Variants in SHANK2 observed in about 807,000 individuals in gnomAD.
SHANK2 encodes SH3 and multiple ankyrin repeat domains protein 2.
In SHANK2, 43 loss-of-function variants were observed where a neutral mutation model predicts 133.7. That is an observed-to-expected ratio of 0.32 (90% CI 0.25 to 0.41). The LOEUF (loss-of-function observed/expected upper bound fraction) is 0.41. SHANK2 is among the 10% of genes least tolerant of loss of function. The pLI is 1.00. For synonymous variants in SHANK2, 1,017 were observed against 952.8 expected, an observed-to-expected ratio of 1.07 and a Z score of -1.24; for missense variants, 1,994 against 2,235.8, an observed-to-expected ratio of 0.89 and a Z score of 2.18.
chr11:70,766,608 T>G (rs1017039263), intron 14 of SHANK2, among the ~76,000 whole-genome samples: 1 of 152,174 alleles, frequency 6.6e-6, no homozygotes, highest in Admixed American at 6.5e-5. Flanking sequence ...AGCAACCGCA[T>G]CAGGGGTTTA....
At chr11:71,092,111 G>A (rs1238979368) in intron 8 of SHANK2, among the ~76,000 whole-genome samples, 3 of 152,218 alleles carry the variant, frequency 2.0e-5, no homozygotes, top group East Asian at 3.9e-4. Flanking sequence ...GGGCTCCTGG[G>A]AAGGGGGCGT....
intron 2 of SHANK2, among the ~76,000 whole-genome samples, chr11:71,153,023 C>T (rs148043600): frequency 4.4e-4 from 67 of 152,330 alleles, no homozygotes; most frequent in African/African-American, 1.6e-3. Context: ...CTAAAAAACT[C>T]TCTGCTGTTC....
intron 17 of SHANK2, among the ~76,000 whole-genome samples, chr11:70,600,418 C>CAAAAAAAAAAA (rs56103044): frequency 3.9e-4 from 37 of 95,282 alleles, no homozygotes; most frequent in Non-Finnish European, 4.4e-4. Flanking sequence ...GACTCTGTCT[C>CAAAAAAAAAAA]AAAAAAAAAA....
chr11:71,171,985 A>G (rs1953323595), intron 2 of SHANK2, among the ~76,000 whole-genome samples: 1 of 152,160 alleles, frequency 6.6e-6, no homozygotes, highest in Non-Finnish European at 1.5e-5. Context: ...TGGGCCTGGG[A>G]GGCCTCCTTG....
chr11:70,699,497 C>T (rs1001413299), intron 14 of SHANK2, among the ~76,000 whole-genome samples: 1 of 152,184 alleles, frequency 6.6e-6, no homozygotes, highest in Non-Finnish European at 1.5e-5. Flanking sequence ...TGATCTCCTA[C>T]CTAAGCCCTG....
At chr11:70,711,291 T>G (rs1945776508) in intron 14 of SHANK2, among the ~76,000 whole-genome samples, 1 of 152,152 alleles carries the variant, frequency 6.6e-6, no homozygotes, top group South Asian at 2.1e-4. Flanking sequence ...GTGGCTGGGC[T>G]GTCCAGCTCC....
chr11:71,213,180 C>A (rs1954320821), intron 2 of SHANK2, among the ~76,000 whole-genome samples: 1 of 152,030 alleles, frequency 6.6e-6, no homozygotes, highest in African/African-American at 2.4e-5. Flanking sequence ...GGAGAATCTT[C>A]CCGGGACAGC....
intron 2 of SHANK2, among the ~76,000 whole-genome samples, chr11:71,190,990 A>T (rs2135580434): frequency 6.6e-6 from 1 of 152,006 alleles, no homozygotes; most frequent in South Asian, 2.1e-4. Context: ...TCTCAGAGGA[A>T]TTGGGGCTCA....
chr11:70,586,134 A>G (rs1419181459), intron 17 of SHANK2, among the ~76,000 whole-genome samples: 1 of 152,146 alleles, frequency 6.6e-6, no homozygotes, highest in African/African-American at 2.4e-5. Context: ...GTTGTGTAAC[A>G]TGGTGGAGGC....
Position 71,175,598 on chromosome 11 carries a change from G to GAGAC in SHANK2, c.-12-28261_-12-28260insGTCT, listed in dbSNP as rs1565496452. ...AGAGAGAGAGAGAGAGAGAGAGAGA[G>GAGAC]AGAGACAGAGACAGAGACATCGCTT... On this transcript the variant is annotated intron_variant, in intron 2 of 25. Transcript: ENST00000601538. This position sits in a 1 kb window ranked among gnomAD's most constrained non-coding sequence, Gnocchi z 4.2. 8.1e-4 allele frequency among the ~76,000 whole-genome samples: 87 copies of GAGAC among 107,184 alleles called. No individual in the cohort carries two copies. The highest frequency in any genetic ancestry group is 1.1e-3 in the African/African-American group (34 of 30,062). The allele number at this position is 107,184 out of a possible 152,430, so 70.3% of individuals were successfully genotyped here.
intron 11 of SHANK2, among the ~76,000 whole-genome samples, chr11:70,879,045 G>A (rs1949616586): frequency 6.6e-6 from 1 of 152,314 alleles, no homozygotes; most frequent in Non-Finnish European, 1.5e-5. Context: ...CCATCTTGGT[G>A]GACTCCTTGG....
At chr11:70,690,488 GTTTTTTTTTTTTTTTTTTTTT>G (rs35737323) in intron 15 of SHANK2, among the ~76,000 whole-genome samples, 64 of 32,824 alleles carry the variant, frequency 1.9e-3, no homozygotes, top group African/African-American at 7.2e-3. Context: ...TACTTCCCAT[GTTTTTTTTTTTTTTTTTTTTT>G]TTTTTTTTTT....
intron 3 of SHANK2, among the ~76,000 whole-genome samples, chr11:71,141,495 G>A (rs12365637): frequency 1.7e-3 from 265 of 152,196 alleles, no homozygotes; most frequent in Non-Finnish European, 3.4e-3. Context: ...GCAAGAGAGC[G>A]AGACTCTTTC....
chr11:70,625,810 GAAAAAAAAAAAAAAAAA>G, intron 17 of SHANK2, among the ~76,000 whole-genome samples: 1 of 41,394 alleles, frequency 2.4e-5, no homozygotes, highest in East Asian at 8.9e-4. Flanking sequence ...GTGCAAAAAT[GAAAAAAAAAAAAAAAAA>G]AAAAAAAAAA....
intron 21 of SHANK2, among the ~76,000 whole-genome samples, chr11:70,494,286 C>T (rs531194819): frequency 2.6e-5 from 4 of 152,312 alleles, no homozygotes; most frequent in East Asian, 1.9e-4. Context: ...CTGCCCCCAC[C>T]GGGCCAGAAC....
intron 14 of SHANK2, among the ~76,000 whole-genome samples, chr11:70,708,216 C>T (rs1945705807): frequency 7.3e-6 from 1 of 136,752 alleles, no homozygotes; most frequent in South Asian, 2.3e-4. Flanking sequence ...TTCAGTCTGT[C>T]TGTCAAGCTG....
chr11:71,102,115 T>G (rs1423454797), intron 6 of SHANK2, among the ~76,000 whole-genome samples: 1 of 152,152 alleles, frequency 6.6e-6, no homozygotes, highest in Non-Finnish European at 1.5e-5. Context: ...GAGACAACAG[T>G]GCAAGATAAA....
At chr11:71,138,539 G>C (rs551062737) in intron 3 of SHANK2, among the ~76,000 whole-genome samples, 2 of 152,056 alleles carry the variant, frequency 1.3e-5, no homozygotes, top group Middle Eastern at 3.2e-3. Flanking sequence ...ATATCCGGCC[G>C]GGCGCGGTGG....
At chr11:70,798,693 G>GT (rs1175098390) in intron 13 of SHANK2, 137 bp from the exon 14 acceptor site, 4 of 633,224 alleles carry the variant, frequency 6.3e-6, no homozygotes, top group Non-Finnish European at 1.2e-5. Context: ...CGGCTCTGGT[G>GT]TGACTGCACT....
Sources: allele counts gnomAD v4.1 joint callset (sites outside exome capture counted in the v4.1 genomes callset), GRCh38; gene constraint gnomAD v4.1.1; non-coding constraint Gnocchi (gnomAD v3.1); transcripts MANE v1.5; gene names NCBI Gene and HGNC (gene_info 2026-07-23, HGNC 2026-07-21).